The following NF1 variants were observed in gnomAD, a reference collection of about 807,000 sequenced individuals.
NF1 encodes the protein neurofibromin 1, also known as neurofibromin.
NF1 carries 122 observed loss-of-function variants against 325.7 expected under a neutral mutation model. That is an observed-to-expected ratio of 0.37 (90% CI 0.32 to 0.44). The LOEUF (loss-of-function observed/expected upper bound fraction) is 0.44. Ranked by LOEUF, NF1 falls within the 20% of genes least tolerant of loss-of-function variation. NF1 has a pLI of 1.00. For synonymous variants in NF1, 1,091 were observed against 1,186.0 expected (o/e 0.92, Z 1.65); for missense variants, 2,140 against 3,415.4 (o/e 0.63, Z 9.31).
At chr17:31,364,210 G>C (rs901625887) in intron 57 of NF1, among the ~76,000 whole-genome samples, 11 of 152,168 alleles carry the variant, frequency 7.2e-5, no homozygotes, top group Admixed American at 2.0e-4. Flanking sequence ...AGTATTGAAA[G>C]AAGTTCTCTG....
At chr17:31,319,017 T>C in intron 36 of NF1, 1 of 1,589,386 alleles carries the variant, frequency 6.3e-7, no homozygotes, top group Non-Finnish European at 8.5e-7. Flanking sequence ...TGGGCATGCT[T>C]GGCAATCTGT....
At chr17:31,360,205 A>T (rs932225627) in intron 56 of NF1, 5 of 443,146 alleles carry the variant, frequency 1.1e-5, no homozygotes, top group Non-Finnish European at 2.1e-5. Flanking sequence ...TTGGCTAGAC[A>T]TCATTCCTGG....
intron 34 of NF1, among the ~76,000 whole-genome samples, chr17:31,261,216 C>T (rs1269751875): frequency 6.6e-6 from 1 of 151,420 alleles, no homozygotes; most frequent in Non-Finnish European, 1.5e-5. Flanking sequence ...GTACTCCAGC[C>T]TGGGCCACAA....
At chr17:31,365,297 A>AAAAAAAAG (rs397975647) in intron 57 of NF1, among the ~76,000 whole-genome samples, 16 of 148,712 alleles carry the variant, frequency 1.1e-4, no homozygotes, top group African/African-American at 3.7e-4. Flanking sequence ...AAAAAAAAAA[A>AAAAAAAAG]GAAGGAAAGA....
rs1191883088 is a variant in NF1, at chr17:31,227,244, A to G, written c.2278A>G (p.Met760Val). 6.2e-7 allele frequency: 1 copy of G among 1,613,714 alleles called. No homozygotes were observed. The highest frequency in any genetic ancestry group is 8.5e-7 in the Non-Finnish European group (1 of 1,179,690). The change falls in exon 19 of 58, where the codon ATG (methionine) becomes GTG (valine). Residue 760 changes from methionine (M) to valine (V), a missense_variant. Physicochemically the swap from Met to Val is conservative, Grantham distance 21. Transcript: ENST00000358273. ...AAGAGCAGCACTTCAGAAAAGAGTG[A>G]TGGCACTGCTGAGGCGCATTGAGCA... Reference protein sequence around the residue: ...TGRAALQKRVMALLRRIEHPT... With the variant: ...TGRAALQKRVVALLRRIEHPT...
At chr17:31,165,377 CT>C (rs1411647527) in intron 4 of NF1, among the ~76,000 whole-genome samples, 1 of 152,134 alleles carries the variant, frequency 6.6e-6, no homozygotes, top group Non-Finnish European at 1.5e-5. Context: ...TTCCATTTAG[CT>C]TGTGTCAGAA....
rs1013947 is a variant in NF1 at position 31,203,344 on chromosome 17, C to T, written c.1260+1859C>T. Among the ~76,000 whole-genome samples, 86,739 of 152,032 alleles carry T rather than the reference C, an allele frequency of 0.57. 27,122 individuals are homozygous for T. The highest frequency in any genetic ancestry group is 0.77 in the Middle Eastern group (227 of 294). ...AAAACTACATTGAATAATTTTTAAA[C>T]ATTAAGTATCAGTAACTTTTCAATG... On this transcript the variant is annotated intron_variant, in intron 11 of 57. Coordinates refer to ENST00000358273, the MANE Select transcript of NF1 (RefSeq NM_001042492.3).
intron 12 of NF1, among the ~76,000 whole-genome samples, chr17:31,212,876 A>G (rs527463667): frequency 6.6e-6 from 1 of 152,312 alleles, no homozygotes; most frequent in East Asian, 1.9e-4. Flanking sequence ...TTGTGCTTGG[A>G]CATCACGATG....
chr17:31,099,933 G>C (rs1445033886), intron 1 of NF1, among the ~76,000 whole-genome samples: 2 of 149,572 alleles, frequency 1.3e-5, no homozygotes, highest in African/African-American at 4.9e-5. Flanking sequence ...ATCTCCCCTA[G>C]TTCTGTATGC....
chr17:31,263,139 TA>T (rs2067723502), intron 35 of NF1, among the ~76,000 whole-genome samples: 3 of 147,380 alleles, frequency 2.0e-5, no homozygotes, highest in African/African-American at 7.4e-5. Context: ...TAAGATAAGA[TA>T]AGATAGATAA....
chr17:31,181,312 C>A, intron 5 of NF1, 110 bp from the exon 6 acceptor site: 1 of 1,002,750 alleles, frequency 1.0e-6, no homozygotes, highest in Non-Finnish European at 1.5e-6. Context: ...TCATTGCTTA[C>A]AGATAATATT....
At chr17:31,327,410 T>TTTGG in intron 37 of NF1, 89 bp from the exon 38 acceptor site, 1 of 908,868 alleles carries the variant, frequency 1.1e-6, no homozygotes, top group Non-Finnish European at 1.7e-6. Context: ...TAGTGTTTTG[T>TTTGG]TTGGTTGGTT....
chr17:31,225,718 A>G (rs1418361194), intron 17 of NF1, among the ~76,000 whole-genome samples: 2 of 152,208 alleles, frequency 1.3e-5, no homozygotes, highest in Non-Finnish European at 2.9e-5. Flanking sequence ...TTAAATATAA[A>G]TCATATTTCA....
intron 8 of NF1, among the ~76,000 whole-genome samples, chr17:31,191,036 T>C (rs1247390923): frequency 2.6e-5 from 4 of 152,162 alleles, no homozygotes; most frequent in Non-Finnish European, 4.4e-5. Flanking sequence ...ATATATACAA[T>C]TTTTATTTTT....
At chr17:31,106,302 C>T (rs1286899677) in intron 1 of NF1, among the ~76,000 whole-genome samples, 1 of 152,086 alleles carries the variant, frequency 6.6e-6, no homozygotes, top group Non-Finnish European at 1.5e-5. Flanking sequence ...AGGTATGAAT[C>T]TTATATGAAA....
chr17:31,321,981 A>T (rs1164416618), intron 36 of NF1: 1 of 152,222 alleles, frequency 6.6e-6, no homozygotes, highest in African/African-American at 2.4e-5. Context: ...AGTCCATGGG[A>T]TACTGATCAG....
intron 48 of NF1, 130 bp downstream of exon 48, chr17:31,343,265 C>T (rs2069875066): frequency 6.6e-6 from 6 of 903,586 alleles, no homozygotes; most frequent in Non-Finnish European, 1.0e-5. Context: ...GCAAACTAGG[C>T]CAGGCGTGGT....
rs1597862168 is a variant in NF1 at position 31,352,339 on chromosome 17, A to G, written c.7540A>G (p.Thr2514Ala). Reference sequence around the variant, plus strand: ...AGCCACCTATCCAACTGTCGGCCAGACCAGTCCCCGAGCCAGGAAATCCAT... The same window carrying G: ...AGCCACCTATCCAACTGTCGGCCAGGCCAGTCCCCGAGCCAGGAAATCCAT... ...LAATYPTVGQ[T>A]SPRARKSMSL... Residue 2514 changes from threonine to alanine, a missense_variant, in exon 51 of 58, where the codon ACC becomes GCC. Physicochemically the swap from Thr to Ala is moderately conservative, Grantham distance 58 (BLOSUM62 0). Around this residue, in one of 10 missense-constraint regions of NF1, gnomAD observed 522 missense variants for 749.0 expected, o/e 0.70. Transcript: ENST00000358273. The G allele has an allele frequency of 6.2e-7, 1 of 1,614,140 alleles. No individual in the cohort carries two copies. Among genetic ancestry groups the G allele is most frequent in the Non-Finnish European group, 8.5e-7 (1 of 1,180,004 alleles).
intron 1 of NF1, among the ~76,000 whole-genome samples, chr17:31,149,721 A>C (rs566877259): frequency 7.4e-4 from 112 of 152,296 alleles, no homozygotes; most frequent in African/African-American, 2.5e-3. Flanking sequence ...AATCAATGAC[A>C]ATGGGTAGAT....
Sources: allele counts gnomAD v4.1 joint callset (sites outside exome capture counted in the v4.1 genomes callset), GRCh38; gene constraint gnomAD v4.1.1; regional missense constraint gnomAD v4.1.1; transcripts MANE v1.5; gene names NCBI Gene and HGNC (gene_info 2026-07-23, HGNC 2026-07-21).